Variants in SIPA1L1 observed in about 807,000 individuals in gnomAD.
SIPA1L1 encodes signal induced proliferation associated 1 like 1.
In SIPA1L1, 26 loss-of-function variants were observed where a neutral mutation model predicts 162.7. That is an observed-to-expected ratio of 0.16 (90% CI 0.12 to 0.22). SIPA1L1 has a LOEUF of 0.22. SIPA1L1 is among the 10% of genes least tolerant of loss of function. SIPA1L1 has a pLI of 1.00. For missense variants in SIPA1L1, 1,874 were observed against 2,241.0 expected (o/e 0.84, Z 3.31); for synonymous variants, 829 against 837.4 (o/e 0.99, Z 0.17).
intron 2 of SIPA1L1, among the ~76,000 whole-genome samples, chr14:71,507,659 C>T (rs537397983): frequency 2.6e-5 from 4 of 152,204 alleles, no homozygotes; most frequent in Non-Finnish European, 5.9e-5. Flanking sequence ...CTGTTACTTA[C>T]TTACCTTTCA....
At chr14:71,651,906 G>A (rs1359926487) in intron 8 of SIPA1L1, among the ~76,000 whole-genome samples, 1 of 152,184 alleles carries the variant, frequency 6.6e-6, no homozygotes, top group East Asian at 1.9e-4. Context: ...GGCTAGAGGG[G>A]GATGAGCCTG....
chr14:71,710,337 A>G (rs1392225072), intron 17 of SIPA1L1, among the ~76,000 whole-genome samples: 5 of 152,214 alleles, frequency 3.3e-5, no homozygotes, highest in African/African-American at 9.6e-5. Context: ...ATTGGAGCCT[A>G]AAATCCCCAA....
At chr14:71,591,081 A>G (rs1047617561) in intron 5 of SIPA1L1, among the ~76,000 whole-genome samples, 1 of 152,274 alleles carries the variant, frequency 6.6e-6, no homozygotes, top group East Asian at 1.9e-4. Context: ...CCTCCACCCA[A>G]AACTGACACT....
chr14:71,505,335 A>G (rs1440354123), intron 2 of SIPA1L1, among the ~76,000 whole-genome samples: 1 of 151,802 alleles, frequency 6.6e-6, no homozygotes, highest in Non-Finnish European at 1.5e-5. Flanking sequence ...CTAAGTTTCT[A>G]AAGCTGGTGA....
At chr14:71,452,654 C>T (rs1457632347) in intron 2 of SIPA1L1, among the ~76,000 whole-genome samples, 1 of 152,164 alleles carries the variant, frequency 6.6e-6, no homozygotes, top group Non-Finnish European at 1.5e-5. Flanking sequence ...CTCTCACACA[C>T]AGTGTGTGAG....
intron 2 of SIPA1L1, among the ~76,000 whole-genome samples, chr14:71,498,216 C>T (rs1229832352): frequency 6.6e-6 from 1 of 152,120 alleles, no homozygotes; most frequent in Non-Finnish European, 1.5e-5. Context: ...CTTAAAAATA[C>T]AATCTTTTCT....
chr14:71,643,290 T>C (rs1465483564), intron 7 of SIPA1L1, among the ~76,000 whole-genome samples: 3 of 152,124 alleles, frequency 2.0e-5, no homozygotes, highest in African/African-American at 4.8e-5. Context: ...ACAATGAACA[T>C]AGGAAAAGTT....
At chr14:71,429,434 G>A (rs1276909068) in intron 2 of SIPA1L1, among the ~76,000 whole-genome samples, 1 of 151,502 alleles carries the variant, frequency 6.6e-6, no homozygotes, top group East Asian at 1.9e-4. Context: ...AACTGGCTTT[G>A]GATAGGTATT....
intron 2 of SIPA1L1, among the ~76,000 whole-genome samples, chr14:71,354,999 G>A (rs181702258): frequency 1.4e-4 from 22 of 152,258 alleles, no homozygotes; most frequent in African/African-American, 5.1e-4. Context: ...TCACTGTGCC[G>A]AGACAATGCA....
intron 2 of SIPA1L1, among the ~76,000 whole-genome samples, chr14:71,449,364 A>G (rs1427168756): frequency 1.3e-5 from 2 of 152,210 alleles, no homozygotes; most frequent in African/African-American, 2.4e-5. Flanking sequence ...TTTTCTCTGA[A>G]CAAATGAAGT....
intron 4 of SIPA1L1, among the ~76,000 whole-genome samples, chr14:71,529,875 G>GCTT (rs1441327972): frequency 5.3e-5 from 8 of 152,198 alleles, no homozygotes; most frequent in Non-Finnish European, 8.8e-5. Context: ...CTGGCAGAAG[G>GCTT]CTTCTCATGG....
At chr14:71,702,598 T>A (rs1351513368) in intron 15 of SIPA1L1, 93 bp downstream of exon 15, 1 of 1,092,768 alleles carries the variant, frequency 9.2e-7, no homozygotes, top group Non-Finnish European at 1.3e-6. Context: ...TTATAAAAGG[T>A]AGCCCTAGTT....
intron 2 of SIPA1L1, among the ~76,000 whole-genome samples, chr14:71,415,267 C>T (rs905132790): frequency 6.6e-6 from 1 of 152,172 alleles, no homozygotes; most frequent in African/African-American, 2.4e-5. Context: ...ATTTGGGAAT[C>T]ATTATCTCTG....
chr14:71,404,492 A>G (rs781042056), intron 2 of SIPA1L1, among the ~76,000 whole-genome samples: 1 of 152,106 alleles, frequency 6.6e-6, no homozygotes, highest in Non-Finnish European at 1.5e-5. Context: ...TGCAGTGAGA[A>G]GAGATTGCAC....
chr14:71,564,674 A>G (rs2029969558), intron 4 of SIPA1L1, among the ~76,000 whole-genome samples: 2 of 151,536 alleles, frequency 1.3e-5, no homozygotes, highest in South Asian at 4.2e-4. Context: ...TATTTTTAGT[A>G]GAGACGGGAT....
At chr14:71,665,826 T>G (rs7161565) in intron 10 of SIPA1L1, among the ~76,000 whole-genome samples, 8,798 of 152,200 alleles carry the variant, frequency 0.058, 512 homozygotes, top group African/African-American at 0.14. Context: ...ATTTCTAAAT[T>G]AGGCACAGTA....
Position 71,624,151 on chromosome 14 carries a change from T to C in SIPA1L1, c.1733T>C (p.Val578Ala). Residue 578 changes from valine to alanine, a missense_variant, in exon 7 of 24, where the codon GTT (valine) becomes GCT (alanine). This residue lies in a region of SIPA1L1 where 685 missense variants were observed against 828.0 expected (regional missense o/e 0.83). Transcript: ENST00000381232. ...CTCAAAGAAGTGCTGGAGCACGTGG[T>C]TCCTGAGCTCAATGTCCAGTGCCTG... is the stretch of plus-strand genomic sequence containing the variant. ...LPLKEVLEHVVPELNVQCLRL... is the reference protein window; with the variant it reads ...LPLKEVLEHVAPELNVQCLRL... 1 of 1,614,164 alleles carries C rather than the reference T, an allele frequency of 6.2e-7. No homozygotes were observed. The highest frequency in any genetic ancestry group is 8.5e-7 in the Non-Finnish European group (1 of 1,180,020).
chr14:71,642,836 G>T lies in SIPA1L1; in HGVS notation c.1819-7499G>T, dbSNP rs1243741532. ...TAAGTAGAAATCTGGAAAAAGAAAA[G>T]CTTTGTATTTATGGATATGAAAGCT... On this transcript the variant is annotated intron_variant, in intron 7 of 23. Transcript: ENST00000381232. Among the ~76,000 whole-genome samples the T allele has an allele frequency of 2.0e-5, 3 of 152,060 alleles. No homozygotes were observed. In the East Asian group the frequency reaches 5.8e-4, roughly 29 times the overall value.
intron 2 of SIPA1L1, among the ~76,000 whole-genome samples, chr14:71,438,140 TAAAC>T (rs924533693): frequency 6.6e-6 from 1 of 152,124 alleles, no homozygotes; most frequent in Non-Finnish European, 1.5e-5. Context: ...ACTTTTTAGT[TAAAC>T]AAAACAAAAC....
Sources: allele counts gnomAD v4.1 joint callset (sites outside exome capture counted in the v4.1 genomes callset), GRCh38; gene constraint gnomAD v4.1.1; regional missense constraint gnomAD v4.1.1; transcripts MANE v1.5; gene names NCBI Gene and HGNC (gene_info 2026-07-23, HGNC 2026-07-21).